The following TBC1D5 variants were observed in gnomAD, a reference collection of about 807,000 sequenced individuals.
TBC1D5 encodes the protein TBC1 domain family, member 5.
TBC1D5 carries 75 observed loss-of-function variants against 100.3 expected under a neutral mutation model. The ratio of observed to expected loss-of-function variants is 0.75; its 90% CI spans 0.62 to 0.91. The LOEUF is 0.91. Among genes scored for constraint, TBC1D5 ranks in the 40% least tolerant of loss-of-function variants. TBC1D5 has a pLI of 0.00. For missense variants in TBC1D5, 910 were observed against 942.4 expected, an observed-to-expected ratio of 0.97 and a Z score of 0.45; for synonymous variants, 323 against 325.6, an observed-to-expected ratio of 0.99 and a Z score of 0.09.
At chr3:17,250,922 T>C (rs2077117273) in intron 16 of TBC1D5, among the ~76,000 whole-genome samples, 1 of 152,198 alleles carries the variant, frequency 6.6e-6, no homozygotes, top group South Asian at 2.1e-4. Context: ...ACAGCACAAA[T>C]AAACATTTAC....
chr3:17,612,218 T>C (rs980632258), intron 2 of TBC1D5, among the ~76,000 whole-genome samples: 2 of 150,260 alleles, frequency 1.3e-5, no homozygotes, highest in Non-Finnish European at 2.9e-5. Flanking sequence ...GAGAATCACT[T>C]GAGCCCCAGG....
chr3:17,232,755 C>G (rs902848587), intron 17 of TBC1D5, among the ~76,000 whole-genome samples: 7 of 152,096 alleles, frequency 4.6e-5, no homozygotes, highest in African/African-American at 1.7e-4. Context: ...ACAACCCATT[C>G]TTTTCTGTTC....
exon 22 of TBC1D5, chr3:17,158,815 A>AT (rs1252304181): frequency 1.3e-5 from 2 of 152,212 alleles, no homozygotes; most frequent in African/African-American, 4.8e-5. Flanking sequence ...GGCAAAGGAA[A>AT]TACTAGAGGT....
intron 3 of TBC1D5, among the ~76,000 whole-genome samples, chr3:17,447,900 G>A (rs967621580): frequency 6.6e-6 from 1 of 152,058 alleles, no homozygotes; most frequent in Middle Eastern, 3.2e-3. Context: ...TATGTTTATT[G>A]GAAATTTGCA....
At chr3:17,479,660 G>A (rs115447659) in intron 3 of TBC1D5, among the ~76,000 whole-genome samples, 2,056 of 152,206 alleles carry the variant, frequency 0.014, 24 homozygotes, top group Non-Finnish European at 0.022. Context: ...AACAGAGTGA[G>A]ACCCCATCTC....
intron 18 of TBC1D5, among the ~76,000 whole-genome samples, chr3:17,186,845 T>TTA (rs2069179980): frequency 6.6e-6 from 1 of 151,890 alleles, no homozygotes; most frequent in Non-Finnish European, 1.5e-5. Context: ...CTAACCATGT[T>TTA]CTTTACATAT....
chr3:17,349,827 C>G (rs548864589), intron 13 of TBC1D5, among the ~76,000 whole-genome samples: 19 of 152,062 alleles, frequency 1.2e-4, no homozygotes, highest in Non-Finnish European at 2.5e-4. Context: ...AGTAATGATA[C>G]ATTTAAACGA....
intron 1 of TBC1D5, among the ~76,000 whole-genome samples, chr3:17,692,143 A>T (rs2071268936): frequency 6.6e-6 from 1 of 152,226 alleles, no homozygotes. Context: ...CGCAGGCTGA[A>T]GTGCAGTGGA....
intron 2 of TBC1D5, among the ~76,000 whole-genome samples, chr3:17,566,114 T>G (rs2096592012): frequency 6.6e-6 from 1 of 152,004 alleles, no homozygotes. Flanking sequence ...TAATATATAG[T>G]GATAAAAATC....
intron 1 of TBC1D5, among the ~76,000 whole-genome samples, chr3:17,727,139 T>C (rs1456818667): frequency 6.6e-6 from 1 of 152,134 alleles, no homozygotes; most frequent in African/African-American, 2.4e-5. Flanking sequence ...TCCTAGCACT[T>C]TGGGAGGCTG....
intron 17 of TBC1D5, among the ~76,000 whole-genome samples, chr3:17,228,374 T>A (rs546936364): frequency 1.4e-4 from 21 of 152,310 alleles, no homozygotes; most frequent in South Asian, 4.1e-4. Context: ...GTCTAGCATA[T>A]GCTCTCCGTA....
chr3:17,203,577 G>T (rs2071760837), intron 18 of TBC1D5, among the ~76,000 whole-genome samples: 1 of 152,292 alleles, frequency 6.6e-6, no homozygotes, highest in South Asian at 2.1e-4. Context: ...GTAATCCTCT[G>T]AGTTGGAGGA....
chr3:17,586,935 T>C (rs2153552113), intron 2 of TBC1D5, among the ~76,000 whole-genome samples: 1 of 152,118 alleles, frequency 6.6e-6, no homozygotes, highest in East Asian at 1.9e-4. Flanking sequence ...AGTAAAATAA[T>C]ATCACATTTT....
At chr3:17,489,526 C>T (rs889349492) in intron 3 of TBC1D5, among the ~76,000 whole-genome samples, 2 of 152,106 alleles carry the variant, frequency 1.3e-5, no homozygotes, top group Non-Finnish European at 2.9e-5. Flanking sequence ...CATTCCCCTC[C>T]CTGTGTCCAT....
chr3:17,683,966 T>A (rs1056723971), intron 1 of TBC1D5, among the ~76,000 whole-genome samples: 1 of 152,180 alleles, frequency 6.6e-6, no homozygotes, highest in African/African-American at 2.4e-5. Context: ...TCTGTGCACA[T>A]ATCTGTGTAT....
intron 1 of TBC1D5, among the ~76,000 whole-genome samples, chr3:17,676,355 T>C (rs909418777): frequency 1.3e-5 from 2 of 151,954 alleles, no homozygotes; most frequent in African/African-American, 2.4e-5. Context: ...TATACACCAA[T>C]AACAGACAAA....
At chr3:17,285,434 G>A (rs1490661847) in intron 15 of TBC1D5, among the ~76,000 whole-genome samples, 2 of 151,088 alleles carry the variant, frequency 1.3e-5, no homozygotes, top group East Asian at 3.9e-4. Flanking sequence ...CTAATTTTTT[G>A]TATTTTTAGT....
chr3:17,735,460 T>C (rs2076890993), intron 1 of TBC1D5, among the ~76,000 whole-genome samples: 1 of 152,152 alleles, frequency 6.6e-6, no homozygotes, highest in African/African-American at 2.4e-5. Flanking sequence ...TATGAGTGGG[T>C]CTTTGTTCTT....
intron 1 of TBC1D5, among the ~76,000 whole-genome samples, chr3:17,644,869 A>G (rs922880224): frequency 4.6e-5 from 7 of 152,116 alleles, no homozygotes; most frequent in Admixed American, 2.0e-4. Flanking sequence ...AAACTAGTGC[A>G]AGATTATGGT....
Sources: allele counts gnomAD v4.1 joint callset (sites outside exome capture counted in the v4.1 genomes callset), GRCh38; gene constraint gnomAD v4.1.1; transcripts MANE v1.5; gene names NCBI Gene and HGNC (gene_info 2026-07-23, HGNC 2026-07-21).